FGD4: variants seen among roughly 807,000 people sequenced by gnomAD.
FGD4 encodes FYVE, RhoGEF and PH domain-containing protein 4.
A neutral mutation model predicts 102.0 loss-of-function variants in FGD4; 42 were observed. That is an observed-to-expected ratio of 0.41 (90% confidence interval 0.32 to 0.53). The LOEUF is 0.53. FGD4 is among the 20% of genes least tolerant of loss of function. FGD4 has a pLI of 0.21. For missense variants in FGD4, 902 were observed against 1,078.2 expected (o/e 0.84, Z 2.29); for synonymous variants, 380 against 375.7 (o/e 1.01, Z -0.13).
intron 4 of FGD4, among the ~76,000 whole-genome samples, chr12:32,585,537 G>A (rs1287745624): frequency 1.3e-5 from 2 of 151,652 alleles, no homozygotes; most frequent in Non-Finnish European, 2.9e-5. Context: ...TAAGTGCTTT[G>A]GAAATACAGA....
chr12:32,465,063 A>G (rs1943216098), intron 1 of FGD4, among the ~76,000 whole-genome samples: 1 of 152,150 alleles, frequency 6.6e-6, no homozygotes, highest in African/African-American at 2.4e-5. Context: ...AATTAGAGGA[A>G]CAGGAGGAGT....
intron 1 of FGD4, among the ~76,000 whole-genome samples, chr12:32,501,248 G>A (rs1393799885): frequency 6.6e-6 from 1 of 152,288 alleles, no homozygotes; most frequent in South Asian, 2.1e-4. Flanking sequence ...TGGAGATAGG[G>A]TCTCACTGTG....
chr12:32,540,400 G>C (rs994882197), intron 1 of FGD4, among the ~76,000 whole-genome samples: 8 of 152,134 alleles, frequency 5.3e-5, no homozygotes, highest in Non-Finnish European at 8.8e-5. Context: ...TAAGCTAAAA[G>C]AACCAACGTA....
At chr12:32,570,197 C>G (rs1467519956) in intron 2 of FGD4, among the ~76,000 whole-genome samples, 1 of 143,550 alleles carries the variant, frequency 7.0e-6, no homozygotes, top group Non-Finnish European at 1.5e-5. Flanking sequence ...GCTGAGATCG[C>G]GCCATTGCAC....
At chr12:32,623,764 T>C (rs1305042567) in intron 11 of FGD4, among the ~76,000 whole-genome samples, 4 of 152,204 alleles carry the variant, frequency 2.6e-5, no homozygotes, top group Admixed American at 2.6e-4. Context: ...AAAGTTTGCC[T>C]TATAGGAAAA....
At chr12:32,464,227 G>A (rs1412287761) in intron 1 of FGD4, among the ~76,000 whole-genome samples, 1 of 152,024 alleles carries the variant, frequency 6.6e-6, no homozygotes, top group Non-Finnish European at 1.5e-5. Flanking sequence ...ATCTCAGCTC[G>A]CTGCAACCTC....
chr12:32,496,747 A>G (rs1937843871), intron 1 of FGD4, among the ~76,000 whole-genome samples: 1 of 152,244 alleles, frequency 6.6e-6, no homozygotes, highest in South Asian at 2.1e-4. Context: ...GAATTAAAAT[A>G]TCTAGATTCC....
intron 1 of FGD4, among the ~76,000 whole-genome samples, chr12:32,419,919 G>A (rs113828970): frequency 6.6e-6 from 1 of 151,394 alleles, no homozygotes; most frequent in South Asian, 2.1e-4. Context: ...AAATCTGCAC[G>A]TGTGGCCACT....
chr12:32,555,584 T>C (rs1358262450), intron 1 of FGD4, among the ~76,000 whole-genome samples: 6 of 149,894 alleles, frequency 4.0e-5, no homozygotes, highest in African/African-American at 1.2e-4. Flanking sequence ...TTTTTTTTTT[T>C]TTTTCGAGAT....
chr12:32,628,778 C>T (rs150894216), intron 14 of FGD4, among the ~76,000 whole-genome samples: 5 of 151,702 alleles, frequency 3.3e-5, no homozygotes, highest in African/African-American at 4.8e-5. Context: ...AGAGCAAGAC[C>T]GTCTAAAAAA....
At chr12:32,467,243 T>A (rs577967403) in intron 1 of FGD4, among the ~76,000 whole-genome samples, 1 of 152,220 alleles carries the variant, frequency 6.6e-6, no homozygotes, top group African/African-American at 2.4e-5. Context: ...AACCCTTTTT[T>A]CATTTTGAGC....
intron 1 of FGD4, among the ~76,000 whole-genome samples, chr12:32,534,031 G>T (rs7134875): frequency 0.072 from 10,912 of 152,264 alleles, 1,308 homozygotes; most frequent in African/African-American, 0.25. Context: ...TCCAGGGCAG[G>T]AGCCCTGTTA....
At chr12:32,442,457 T>G (rs1296556991) in intron 1 of FGD4, among the ~76,000 whole-genome samples, 1 of 152,110 alleles carries the variant, frequency 6.6e-6, no homozygotes, top group Admixed American at 6.5e-5. Context: ...GAAGGTGTTT[T>G]TTTCTGTGTA....
intron 1 of FGD4, among the ~76,000 whole-genome samples, chr12:32,552,601 G>C (rs1943769645): frequency 6.6e-6 from 1 of 151,598 alleles, no homozygotes; most frequent in Admixed American, 6.6e-5. Flanking sequence ...ATTCTTAGTT[G>C]AACACAGCAG....
At chr12:32,528,221 G>A (rs966680518) in intron 1 of FGD4, among the ~76,000 whole-genome samples, 4 of 152,152 alleles carry the variant, frequency 2.6e-5, no homozygotes, top group Non-Finnish European at 5.9e-5. Context: ...ACAGGCGTGA[G>A]CCACCGCACT....
intron 3 of FGD4, chr12:32,579,722 A>G (rs1223614439): frequency 3.3e-5 from 5 of 152,320 alleles, no homozygotes; most frequent in African/African-American, 9.6e-5. Context: ...TGTCCTCCTC[A>G]AGGGGGCAAA....
In FGD4 at chr12:32,500,712, G is replaced by A. The variant is rs549355583; in HGVS notation, c.167-63425G>A. Reference sequence around the variant, plus strand: ...CTCCCAAAGTGCTGGGATTACAGGCGTGACCCACTGTGCCTGGCCATGACC... The same window carrying A: ...CTCCCAAAGTGCTGGGATTACAGGCATGACCCACTGTGCCTGGCCATGACC... On this transcript the variant is annotated intron_variant, in intron 1 of 16. Transcript: ENST00000534526. 4.6e-5 allele frequency among the ~76,000 whole-genome samples: 7 copies of A among 152,232 alleles called. No homozygotes were observed. The East Asian group carries it at 7.7e-4, about 17-fold the overall frequency.
chr12:32,465,106 G>A (rs934040659), intron 1 of FGD4, among the ~76,000 whole-genome samples: 2 of 152,072 alleles, frequency 1.3e-5, no homozygotes, highest in African/African-American at 4.8e-5. Flanking sequence ...AAATGCAGTT[G>A]ACTTTTGAAC....
At chr12:32,606,136 A>T (rs562532509) in intron 7 of FGD4, among the ~76,000 whole-genome samples, 1 of 152,326 alleles carries the variant, frequency 6.6e-6, no homozygotes, top group Admixed American at 6.5e-5. Context: ...ACTTTCCTTG[A>T]TGTACGTAAT....
Sources: allele counts gnomAD v4.1 joint callset (sites outside exome capture counted in the v4.1 genomes callset), GRCh38; gene constraint gnomAD v4.1.1; transcripts MANE v1.5; gene names NCBI Gene and HGNC (gene_info 2026-07-23, HGNC 2026-07-21).